The following KAT14 variants were observed in gnomAD, a reference collection of about 807,000 sequenced individuals.
KAT14 encodes the protein cysteine-rich protein 2-binding protein.
KAT14 carries 66 observed loss-of-function variants against 78.4 expected under a neutral mutation model. The observed-to-expected ratio is 0.84, with a 90% CI of 0.69 to 1.03. The LOEUF is 1.03. Among genes scored for constraint, KAT14 ranks in the 50% least tolerant of loss-of-function variants. The pLI is 0.00. For missense variants in KAT14, 870 were observed against 972.5 expected, an observed-to-expected ratio of 0.89 and a Z score of 1.40; for synonymous variants, 344 against 359.4, an observed-to-expected ratio of 0.96 and a Z score of 0.48.
rs775607665 is a variant in KAT14 at position 18,159,210 on chromosome 20, C to T, written c.627C>T (p.Pro209=). The change falls in exon 5 of 11, where the codon CCC becomes CCT. Residue 209 remains proline, a synonymous_variant. Coordinates refer to ENST00000688188, the MANE Select transcript of KAT14 (RefSeq NM_001392073.1). ...GGTGGAAACTTGTTCATAACAAGCC[C>T]CCAACGATGAAACCTGAAGGAGAGA... The part of the protein sequence containing the change: ...PGWWKLVHNK[P]PTMKPEGEKL... 1.2e-6 allele frequency: 2 copies of T among 1,613,950 alleles called. No homozygotes were observed. Among genetic ancestry groups the T allele is most frequent in the Non-Finnish European group, 1.7e-6 (2 of 1,179,980 alleles).
intron 7 of KAT14, among the ~76,000 whole-genome samples, chr20:18,173,088 T>C (rs1350254035): frequency 6.6e-6 from 1 of 152,224 alleles, no homozygotes; most frequent in Non-Finnish European, 1.5e-5. Context: ...TAACTTCTCC[T>C]GAGGGCAGGT....
intron 10 of KAT14, among the ~76,000 whole-genome samples, chr20:18,185,309 G>A (rs1450030030): frequency 2.0e-5 from 3 of 152,034 alleles, no homozygotes; most frequent in Admixed American, 2.0e-4. Context: ...TCCTGGGCTC[G>A]AGTGATTTTC....
upstream of KAT14, among the ~76,000 whole-genome samples, chr20:18,137,154 C>T (rs1460908378): frequency 6.6e-6 from 1 of 152,082 alleles, no homozygotes; most frequent in Non-Finnish European, 1.5e-5. Context: ...TTACATGGGG[C>T]CAGGCGCGGT....
intron 4 of KAT14, among the ~76,000 whole-genome samples, chr20:18,152,464 C>T (rs1272199282): frequency 6.6e-6 from 1 of 152,164 alleles, no homozygotes; most frequent in African/African-American, 2.4e-5. Flanking sequence ...GTAATCCCAG[C>T]TACTCGGGAG....
chr20:18,146,502 A>T (rs1326032977), intron 3 of KAT14, among the ~76,000 whole-genome samples: 1 of 152,166 alleles, frequency 6.6e-6, no homozygotes, highest in African/African-American at 2.4e-5. Flanking sequence ...TCTACTAAAA[A>T]TACAAAATTA....
chr20:18,143,868 G>C (rs1263282663), intron 2 of KAT14, among the ~76,000 whole-genome samples: 1 of 152,148 alleles, frequency 6.6e-6, no homozygotes, highest in Non-Finnish European at 1.5e-5. Context: ...AACCTCAGGT[G>C]ATCCATCCGC....
chr20:18,157,684 A>G (rs1356991199), intron 4 of KAT14, among the ~76,000 whole-genome samples: 2 of 152,138 alleles, frequency 1.3e-5, no homozygotes, highest in African/African-American at 4.8e-5. Context: ...TAAATACTTC[A>G]TATATGTAGA....
chr20:18,166,681 T>C (rs1177462040), intron 7 of KAT14, among the ~76,000 whole-genome samples: 1 of 152,250 alleles, frequency 6.6e-6, no homozygotes, highest in Non-Finnish European at 1.5e-5. Flanking sequence ...ATCTCCCCTC[T>C]CTGGAGATTC....
chr20:18,162,752 G>C lies in KAT14; in HGVS notation c.1475G>C (p.Arg492Pro). ...ACTCCGGAAGCTCGGAGACTGAAAC[G>C]CAAACTGATTGTCAGACAAGCGAAA... ...AMTPEARRLK[R>P]KLIVRQAKRD... The change falls in exon 7 of 11, where the codon CGC (arginine) becomes CCC (proline). Residue 492 changes from arginine (R) to proline (P), a missense_variant. Arg to Pro is a moderately radical substitution (Grantham distance 103). Coordinates refer to ENST00000688188, the MANE Select transcript of KAT14 (RefSeq NM_001392073.1). 6.2e-7 allele frequency: 1 copy of C among 1,614,228 alleles called. No individual in the cohort carries two copies. The highest frequency in any genetic ancestry group is 8.5e-7 in the Non-Finnish European group (1 of 1,180,040).
chr20:18,141,903 A>G (rs1457809865), intron 1 of KAT14, among the ~76,000 whole-genome samples: 1 of 152,172 alleles, frequency 6.6e-6, no homozygotes, highest in East Asian at 1.9e-4. Context: ...TAAATAAAAA[A>G]AAATTTAACA....
At chr20:18,168,391 G>C (rs2038732880) in intron 7 of KAT14, among the ~76,000 whole-genome samples, 1 of 152,108 alleles carries the variant, frequency 6.6e-6, no homozygotes, top group African/African-American at 2.4e-5. Flanking sequence ...AGCCAGGCCT[G>C]GTGGCGCATG....
intron 7 of KAT14, among the ~76,000 whole-genome samples, chr20:18,175,587 A>G (rs2039008793): frequency 6.6e-6 from 1 of 152,146 alleles, no homozygotes; most frequent in Admixed American, 6.5e-5. Context: ...GAAAGGGACC[A>G]AGCAGCCCTC....
intron 4 of KAT14, among the ~76,000 whole-genome samples, chr20:18,157,632 C>T (rs2038271810): frequency 6.6e-6 from 1 of 152,126 alleles, no homozygotes; most frequent in Non-Finnish European, 1.5e-5. Context: ...CAGCTCTAGG[C>T]AGTCACCATT....
intron 7 of KAT14, among the ~76,000 whole-genome samples, chr20:18,164,070 A>G (rs1158616709): frequency 3.3e-5 from 5 of 152,208 alleles, no homozygotes; most frequent in Non-Finnish European, 7.4e-5. Context: ...AACTTTATCT[A>G]CTAAAATGGG....
chr20:18,152,263 T>A (rs1417740740), intron 4 of KAT14, among the ~76,000 whole-genome samples: 1 of 151,956 alleles, frequency 6.6e-6, no homozygotes, highest in Non-Finnish European at 1.5e-5. Context: ...GACAGTATAG[T>A]GAGACCCCCA....
intron 4 of KAT14, among the ~76,000 whole-genome samples, chr20:18,155,511 T>C (rs886514267): frequency 6.6e-6 from 1 of 152,164 alleles, no homozygotes; most frequent in Admixed American, 6.5e-5. Flanking sequence ...GATTGCTGCT[T>C]CTAATCATAG....
Position 18,162,780 on chromosome 20 carries a change from G to C in KAT14, c.1503G>C (p.Arg501Ser). Residue 501 changes from arginine to serine, a missense_variant, in exon 7 of 11, where the codon AGG (arginine) becomes AGC (serine). Coordinates refer to ENST00000688188, the MANE Select transcript of KAT14 (RefSeq NM_001392073.1). ...KRKLIVRQAK[R>S]DRGLPLFDLD... is the part of the protein sequence containing the mutation. ...AACTGATTGTCAGACAAGCGAAAAGGGATAGGGGATTACCACTTTTTGACT... is the reference window on the plus strand; with the variant it reads ...AACTGATTGTCAGACAAGCGAAAAGCGATAGGGGATTACCACTTTTTGACT... The C allele has an allele frequency of 6.2e-7, 1 of 1,614,166 alleles. No individual in the cohort carries two copies. Among genetic ancestry groups the C allele is most frequent in the Non-Finnish European group, 8.5e-7 (1 of 1,180,030 alleles).
chr20:18,159,413 G>T, intron 5 of KAT14, 148 bp downstream of exon 5: 1 of 828,338 alleles, frequency 1.2e-6, no homozygotes, highest in South Asian at 2.2e-5. Context: ...ACACTTGTGT[G>T]TGTGCTAGAA....
chr20:18,176,159 A>G (rs1460504654), intron 7 of KAT14, among the ~76,000 whole-genome samples: 3 of 152,064 alleles, frequency 2.0e-5, no homozygotes, highest in African/African-American at 7.2e-5. Context: ...AAAATTAGCC[A>G]GGCATGCTGG....
Sources: allele counts gnomAD v4.1 joint callset (sites outside exome capture counted in the v4.1 genomes callset), GRCh38; gene constraint gnomAD v4.1.1; transcripts MANE v1.5; gene names NCBI Gene and HGNC (gene_info 2026-07-23, HGNC 2026-07-21).